Variants in ZNF609 observed in about 807,000 individuals in gnomAD.
ZNF609 encodes zinc finger protein 609.
A neutral mutation model predicts 109.5 loss-of-function variants in ZNF609; 11 were observed. That is an observed-to-expected ratio of 0.10 (90% confidence interval 0.06 to 0.17). ZNF609 has a LOEUF of 0.17. ZNF609 is among the 10% of genes least tolerant of loss of function. The pLI, the probability that ZNF609 is intolerant of heterozygous loss-of-function variation, is 1.00. For missense variants in ZNF609, 1,559 were observed against 1,772.4 expected (o/e 0.88, Z 2.16); for synonymous variants, 646 against 662.0 (o/e 0.98, Z 0.37).
intron 2 of ZNF609, among the ~76,000 whole-genome samples, chr15:64,583,141 C>G (rs1261579755): frequency 6.6e-6 from 1 of 150,852 alleles, no homozygotes; most frequent in Admixed American, 6.6e-5. Context: ...TCAAGTAATT[C>G]TCTGCGTCAG....
rs1374225478 is a variant in ZNF609, at chr15:64,577,268, T to C, written c.748-45559T>C. Among the ~76,000 whole-genome samples, 64 of 78,180 alleles carry C rather than the reference T, an allele frequency of 8.2e-4. 26 individuals carry two copies. Among genetic ancestry groups the C allele is most frequent in the African/African-American group, 2.2e-3 (58 of 26,616 alleles). 51.3% of individuals were successfully genotyped at this position (78,180 alleles called of 152,430 possible). On this transcript the variant is annotated intron_variant, in intron 2 of 9. Transcript: ENST00000326648. ...ATATGTATATATATACACACAAATA[T>C]ATACATATATGTATATATATACACA...
At chr15:64,569,958 T>G (rs904167644) in intron 2 of ZNF609, among the ~76,000 whole-genome samples, 3 of 152,376 alleles carry the variant, frequency 2.0e-5, no homozygotes, top group African/African-American at 7.2e-5. Flanking sequence ...GCTCTTGCAC[T>G]GTGTGCCAAG....
intron 1 of ZNF609, among the ~76,000 whole-genome samples, chr15:64,489,677 C>T (rs1893385185): frequency 6.6e-6 from 1 of 151,366 alleles, no homozygotes; most frequent in Non-Finnish European, 1.5e-5. Context: ...TTACAGGCAC[C>T]CGCCACCATG....
At chr15:64,562,726 A>C (rs543308204) in intron 2 of ZNF609, among the ~76,000 whole-genome samples, 34 of 116,130 alleles carry the variant, frequency 2.9e-4, no homozygotes, top group Admixed American at 9.0e-4. Flanking sequence ...CCCGAGTTTA[A>C]AGAAGAAGCC....
Position 64,674,661 on chromosome 15 carries a change from G to A in ZNF609, c.1807G>A (p.Ala603Thr), listed in dbSNP as rs969923233. The A allele has an allele frequency of 1.2e-6, 2 of 1,614,136 alleles. No individual in the cohort carries two copies. Among genetic ancestry groups the A allele is most frequent in the African/African-American group, 2.7e-5 (2 of 75,032 alleles). ...LSGEGDTDLGALSNDGSDDGP... is the reference protein window; with the variant it reads ...LSGEGDTDLGTLSNDGSDDGP... ...TGGGGAAGGGGACACAGACCTTGGG[G>A]CCTTATCCAATGATGGCTCTGATGA... The change falls in exon 5 of 10, where the codon GCC (alanine) becomes ACC (threonine). Residue 603 changes from alanine (A) to threonine (T), a missense_variant. Transcript: ENST00000326648.
chr15:64,616,679 C>T (rs1305148684), intron 2 of ZNF609, among the ~76,000 whole-genome samples: 1 of 151,390 alleles, frequency 6.6e-6, no homozygotes, highest in Admixed American at 6.6e-5. Flanking sequence ...GCCACCACAC[C>T]CGGCTAATTT....
intron 3 of ZNF609, among the ~76,000 whole-genome samples, chr15:64,630,583 A>T (rs1421451029): frequency 6.6e-6 from 1 of 150,984 alleles, no homozygotes; most frequent in African/African-American, 2.4e-5. Flanking sequence ...TCTTTTTGAG[A>T]TGGAGTTTCA....
intron 3 of ZNF609, chr15:64,631,147 C>T (rs891233824): frequency 2.0e-5 from 12 of 592,108 alleles, no homozygotes; most frequent in Non-Finnish European, 2.6e-5. Flanking sequence ...TCCAGCAGTT[C>T]AGGCTCCTTC....
chr15:64,518,404 A>G (rs532307332), intron 2 of ZNF609, among the ~76,000 whole-genome samples: 95 of 152,360 alleles, frequency 6.2e-4, no homozygotes, highest in Non-Finnish European at 1.2e-3. Context: ...GAAGTTCACT[A>G]TGACTGGAGG....
chr15:64,637,994 T>TTATATATATATATA (rs3057845), intron 3 of ZNF609, among the ~76,000 whole-genome samples: 289 of 134,314 alleles, frequency 2.2e-3, no homozygotes, highest in African/African-American at 7.4e-3. Context: ...GAACCTTGTT[T>TTATATATATATATA]TATATATATA....
At chr15:64,495,658 TCCAGGTGGAGGC>T (rs1417605197) in intron 1 of ZNF609, among the ~76,000 whole-genome samples, 1 of 151,870 alleles carries the variant, frequency 6.6e-6, no homozygotes, top group Admixed American at 6.6e-5. Context: ...CACCTGGGCC[TCCAGGTGGAGGC>T]CCAGAAGTGC....
chr15:64,670,276 T>G (rs1896706304), intron 3 of ZNF609, 70 bp from the exon 4 acceptor site: 20 of 1,285,488 alleles, frequency 1.6e-5, no homozygotes, highest in Non-Finnish European at 2.3e-5. Flanking sequence ...AGAGTGCTGA[T>G]CAAAAGAATA....
At chr15:64,481,341 A>G (rs1239746719) in intron 1 of ZNF609, among the ~76,000 whole-genome samples, 4 of 132,286 alleles carry the variant, frequency 3.0e-5, no homozygotes, top group Admixed American at 7.8e-5. Flanking sequence ...TTTTTTTGAG[A>G]CGGAGTTTCA....
chr15:64,481,510 G>A (rs954985818), intron 1 of ZNF609, among the ~76,000 whole-genome samples: 1 of 151,786 alleles, frequency 6.6e-6, no homozygotes, highest in African/African-American at 2.4e-5. Context: ...AGTAGAGGCG[G>A]GGTTTCTTCA....
intron 3 of ZNF609, among the ~76,000 whole-genome samples, chr15:64,651,647 A>T (rs1164069428): frequency 3.3e-5 from 5 of 152,350 alleles, no homozygotes; most frequent in Admixed American, 3.3e-4. Context: ...CAGCCAGTTC[A>T]TCACAGGTAT....
chr15:64,671,734 A>G (rs1413160618), intron 4 of ZNF609, among the ~76,000 whole-genome samples: 2 of 152,198 alleles, frequency 1.3e-5, no homozygotes, highest in Non-Finnish European at 2.9e-5. Flanking sequence ...AATTAATGCA[A>G]TTCCCATGCA....
At chr15:64,491,834 G>T (rs896967143) in intron 1 of ZNF609, among the ~76,000 whole-genome samples, 4 of 151,958 alleles carry the variant, frequency 2.6e-5, no homozygotes, top group African/African-American at 4.8e-5. Flanking sequence ...GACAGAGCAA[G>T]ATTCCGTCTC....
At chr15:64,477,818 G>A (rs967372145) in intron 1 of ZNF609, among the ~76,000 whole-genome samples, 3 of 152,058 alleles carry the variant, frequency 2.0e-5, no homozygotes, top group South Asian at 2.1e-4. Flanking sequence ...TGGTAGAAAC[G>A]GGGTTTTACC....
rs1381696425 is a variant in ZNF609, at chr15:64,612,687, CA to C, written c.748-10139del. 2.1e-5 allele frequency among the ~76,000 whole-genome samples: 3 copies of C among 145,288 alleles called. No individual in the cohort carries two copies. In the Admixed American group the frequency reaches 2.1e-4, roughly 10 times the overall value. On this transcript the variant is annotated intron_variant, in intron 2 of 9. Transcript: ENST00000326648. ...ATTTATTTATTTACTTTTCCAAAGGCAGGGGAGAGGCAGGGTCCAAGTGTAG... is the reference window on the plus strand; with the variant it reads ...ATTTATTTATTTACTTTTCCAAAGGCGGGGAGAGGCAGGGTCCAAGTGTAG...
Sources: allele counts gnomAD v4.1 joint callset (sites outside exome capture counted in the v4.1 genomes callset), GRCh38; gene constraint gnomAD v4.1.1; transcripts MANE v1.5; gene names NCBI Gene and HGNC (gene_info 2026-07-23, HGNC 2026-07-21).